CNTN3: variants seen among roughly 807,000 people sequenced by gnomAD.
The protein encoded by CNTN3 is contactin 3, also known as contactin-3.
Under a neutral mutation model 119.1 loss-of-function variants are expected in CNTN3, and 60 were observed. The observed-to-expected ratio is 0.50, with a 90% CI of 0.41 to 0.62. The LOEUF is 0.62. Among genes scored for constraint, CNTN3 ranks in the 20% least tolerant of loss-of-function variants. CNTN3 has a pLI of 0.00. For synonymous variants in CNTN3, 450 were observed against 438.7 expected (o/e 1.03, Z -0.32); for missense variants, 1,101 against 1,242.4 (o/e 0.89, Z 1.71).
intron 1 of CNTN3, among the ~76,000 whole-genome samples, chr3:74,605,440 A>T (rs957370862): frequency 6.6e-6 from 1 of 152,184 alleles, no homozygotes; most frequent in African/African-American, 2.4e-5. Flanking sequence ...ATTAATTTTT[A>T]AAAAGTTTGT....
chr3:74,594,273 C>CTTTTTTTTTTTTTTTTTT (rs59436860), intron 1 of CNTN3, among the ~76,000 whole-genome samples: 8 of 112,036 alleles, frequency 7.1e-5, no homozygotes, highest in Non-Finnish European at 1.2e-4. Flanking sequence ...TTCTTTTTTT[C>CTTTTTTTTTTTTTTTTTT]TTTTTTTTTT....
chr3:74,551,754 C>CTTTTTTTTTTTTTTTTTTTTT, intron 1 of CNTN3, among the ~76,000 whole-genome samples: 1 of 60,202 alleles, frequency 1.7e-5, no homozygotes, highest in Non-Finnish European at 2.8e-5. Context: ...TCTTCTTCTT[C>CTTTTTTTTTTTTTTTTTTTTT]TTTTTTTTTT....
intron 5 of CNTN3, among the ~76,000 whole-genome samples, chr3:74,384,220 C>T (rs1179298429): frequency 6.6e-6 from 1 of 152,128 alleles, no homozygotes. Context: ...TTTTTTAGTT[C>T]CAACTATATT....
At chr3:74,602,295 C>CAAAAAAAAAA (rs1167052275) in intron 1 of CNTN3, among the ~76,000 whole-genome samples, 3 of 19,686 alleles carry the variant, frequency 1.5e-4, no homozygotes, top group African/African-American at 2.4e-4. Context: ...GACCTGGTCT[C>CAAAAAAAAAA]AAAAAAAAAA....
intron 9 of CNTN3, among the ~76,000 whole-genome samples, chr3:74,364,967 T>G (rs930747793): frequency 6.6e-6 from 1 of 152,286 alleles, no homozygotes; most frequent in African/African-American, 2.4e-5. Context: ...ATGTTTTCAC[T>G]ATGTCTTTTC....
intron 4 of CNTN3, among the ~76,000 whole-genome samples, chr3:74,477,960 G>A (rs1346768455): frequency 6.6e-6 from 1 of 152,122 alleles, no homozygotes; most frequent in African/African-American, 2.4e-5. Context: ...CATCAGTTAT[G>A]TGAAATAACA....
chr3:74,344,236 A>G lies in CNTN3; in HGVS notation c.1365-7578T>C, dbSNP rs181581145. On this transcript the variant is annotated intron_variant, in intron 11 of 22. Coordinates refer to ENST00000263665, the MANE Select transcript of CNTN3 (RefSeq NM_020872.3). ...AATAATCTTCTATGTAGAGAGGACA[A>G]GGTTTTATCACAGATCAACAGTGGA... 3.0e-3 allele frequency among the ~76,000 whole-genome samples: 454 copies of G among 152,230 alleles called. 4 individuals carry two copies. The highest frequency in any genetic ancestry group is 0.017 in the Middle Eastern group (5 of 294).
intron 1 of CNTN3, among the ~76,000 whole-genome samples, chr3:74,590,117 A>G (rs1419953673): frequency 1.3e-5 from 2 of 151,940 alleles, no homozygotes; most frequent in Non-Finnish European, 2.9e-5. Flanking sequence ...ATAATAAAAA[A>G]AAGTATAATA....
chr3:74,274,193 C>G (rs1355724798), intron 20 of CNTN3, among the ~76,000 whole-genome samples: 1 of 152,062 alleles, frequency 6.6e-6, no homozygotes, highest in Non-Finnish European at 1.5e-5. Context: ...TAGTCCTGCC[C>G]CCACCTCATG....
intron 4 of CNTN3, among the ~76,000 whole-genome samples, chr3:74,478,115 A>G (rs1437128580): frequency 6.6e-6 from 1 of 152,174 alleles, no homozygotes; most frequent in Non-Finnish European, 1.5e-5. Flanking sequence ...TACAAATGTA[A>G]ATGTTAGAAA....
chr3:74,548,085 T>C (rs1703939287), intron 1 of CNTN3, among the ~76,000 whole-genome samples: 1 of 152,200 alleles, frequency 6.6e-6, no homozygotes, highest in Non-Finnish European at 1.5e-5. Context: ...ATCTTTGGTA[T>C]ACAATCGACC....
chr3:74,328,497 G>C (rs898676402), intron 13 of CNTN3, among the ~76,000 whole-genome samples: 3 of 152,062 alleles, frequency 2.0e-5, no homozygotes, highest in Non-Finnish European at 4.4e-5. Flanking sequence ...TAACTCTGCT[G>C]TTTTTATGGG....
intron 13 of CNTN3, among the ~76,000 whole-genome samples, chr3:74,314,489 G>C (rs1702780268): frequency 6.6e-6 from 1 of 152,118 alleles, no homozygotes; most frequent in Admixed American, 6.6e-5. Flanking sequence ...CTAATCAAAA[G>C]ACAGCAGGAG....
intron 2 of CNTN3, 81 bp from the exon 3 acceptor site, chr3:74,499,866 A>G: frequency 7.2e-7 from 1 of 1,392,620 alleles, no homozygotes; most frequent in Non-Finnish European, 9.6e-7. Context: ...TGAAGAAAAC[A>G]AGGAACTAAA....
intron 16 of CNTN3, among the ~76,000 whole-genome samples, 190 bp downstream of exon 16, chr3:74,301,208 C>A (rs1017920103): frequency 1.3e-5 from 2 of 152,186 alleles, no homozygotes. Context: ...AAATGTCATA[C>A]TACATCAGAG....
At chr3:74,441,786 G>A (rs367960453) in intron 4 of CNTN3, among the ~76,000 whole-genome samples, 1 of 152,070 alleles carries the variant, frequency 6.6e-6, no homozygotes, top group African/African-American at 2.4e-5. Flanking sequence ...AATACTGGCA[G>A]GAGAAATGCA....
intron 13 of CNTN3, among the ~76,000 whole-genome samples, chr3:74,308,530 C>T (rs947116126): frequency 6.6e-6 from 1 of 152,128 alleles, no homozygotes; most frequent in African/African-American, 2.4e-5. Context: ...CACTTCATGC[C>T]TATTTTAGGT....
chr3:74,417,415 G>T (rs950348352), intron 5 of CNTN3, among the ~76,000 whole-genome samples: 4 of 152,154 alleles, frequency 2.6e-5, no homozygotes, highest in African/African-American at 9.7e-5. Flanking sequence ...TCTTATTCAA[G>T]TGAAGACACA....
chr3:74,291,328 CT>C (rs1266416268), intron 19 of CNTN3, among the ~76,000 whole-genome samples: 2 of 152,092 alleles, frequency 1.3e-5, no homozygotes, highest in Non-Finnish European at 2.9e-5. Flanking sequence ...GGTTCCAAGT[CT>C]TTGCTATTGT....
Sources: gnomAD v4.1 joint callset for allele counts (sites outside exome capture counted in the v4.1 genomes callset) on GRCh38, gnomAD v4.1.1 for gene constraint, MANE v1.5 for transcripts, NCBI Gene and HGNC (gene_info 2026-07-23, HGNC 2026-07-21) for gene names.